RGPD2: variants seen among roughly 807,000 people sequenced by gnomAD.
RGPD2 encodes RANBP2 like and GRIP domain containing 2.
Under a neutral mutation model 36.0 loss-of-function variants are expected in RGPD2, and 2 were observed. The ratio of observed to expected loss-of-function variants is 0.06; its 90% CI spans 0.02 to 0.17. The LOEUF (loss-of-function observed/expected upper bound fraction) is 0.17, where lower values mean the gene tolerates loss of function less well. Ranked by LOEUF, RGPD2 falls within the 10% of genes least tolerant of loss-of-function variation. RGPD2 has a pLI of 1.00. For synonymous variants in RGPD2, 19 were observed against 163.8 expected, an observed-to-expected ratio of 0.12 and a Z score of 6.75; for missense variants, 40 against 464.3, an observed-to-expected ratio of 0.09 and a Z score of 8.40.
the RGPD2 span, among the ~76,000 whole-genome samples, chr2:87,866,960 C>A: frequency 3.9e-5 from 6 of 152,252 alleles, no homozygotes; most frequent in Non-Finnish European, 8.8e-5. Flanking sequence ...GGAAGAGGTT[C>A]TTCTCCACCT....
chr2:87,952,189 G>T, the RGPD2 span, among the ~76,000 whole-genome samples: 2 of 152,204 alleles, frequency 1.3e-5, no homozygotes, highest in African/African-American at 4.8e-5. Flanking sequence ...TATTGGAAAA[G>T]ATTTGATAAA....
the RGPD2 span, among the ~76,000 whole-genome samples, chr2:87,940,632 T>G: frequency 3.8e-5 from 5 of 130,934 alleles, no homozygotes; most frequent in South Asian, 2.4e-4. Context: ...AATTTTCTGT[T>G]TGTGTGTGTG....
intron 20 of RGPD2, among the ~76,000 whole-genome samples, chr2:87,781,587 A>C (rs1254911239): frequency 2.0e-5 from 3 of 150,310 alleles, no homozygotes; most frequent in African/African-American, 7.4e-5. Context: ...CAACCTCCTG[A>C]GTAGCTGCTA....
At chr2:87,875,466 T>C in the RGPD2 span, among the ~76,000 whole-genome samples, 1 of 152,284 alleles carries the variant, frequency 6.6e-6, no homozygotes, top group African/African-American at 2.4e-5. Context: ...AATAATCATG[T>C]GTTTTTTGTC....
the RGPD2 span, among the ~76,000 whole-genome samples, chr2:87,857,798 T>A: frequency 7.4e-6 from 1 of 134,474 alleles, no homozygotes; most frequent in African/African-American, 3.1e-5. Flanking sequence ...AAAAAAAAAA[T>A]TAGCATGTTT....
chr2:87,920,270 C>A, the RGPD2 span, among the ~76,000 whole-genome samples: 1 of 151,870 alleles, frequency 6.6e-6, no homozygotes, highest in Admixed American at 6.6e-5. Context: ...AGAAAACTCT[C>A]AAGTGGGGAA....
chr2:87,971,921 T>G, the RGPD2 span, among the ~76,000 whole-genome samples: 1 of 151,784 alleles, frequency 6.6e-6, no homozygotes, highest in East Asian at 2.0e-4. Context: ...TTGGTACACA[T>G]CAGCAGCAGT....
the RGPD2 span, among the ~76,000 whole-genome samples, chr2:87,840,475 T>C: frequency 1.3e-4 from 20 of 151,742 alleles, no homozygotes; most frequent in African/African-American, 4.3e-4. Flanking sequence ...AAGTAGTACA[T>C]AGAGGATGTT....
At chr2:87,894,559 C>T in the RGPD2 span, among the ~76,000 whole-genome samples, 1 of 152,044 alleles carries the variant, frequency 6.6e-6, no homozygotes, top group African/African-American at 2.4e-5. Context: ...GTTTATCTAT[C>T]ATTTATAAAT....
the RGPD2 span, among the ~76,000 whole-genome samples, chr2:87,878,612 T>C: frequency 6.6e-6 from 1 of 152,254 alleles, no homozygotes; most frequent in African/African-American, 2.4e-5. Context: ...TTTTAGGTAT[T>C]TTGAGATATA....
chr2:87,955,239 C>A, the RGPD2 span, among the ~76,000 whole-genome samples: 1 of 147,308 alleles, frequency 6.8e-6, no homozygotes, highest in African/African-American at 2.5e-5. Flanking sequence ...TGGTCTCGAT[C>A]TCCTGACCTC....
chr2:87,977,095 ATGT>A, the RGPD2 span, among the ~76,000 whole-genome samples: 7 of 99,254 alleles, frequency 7.1e-5, no homozygotes, highest in Non-Finnish European at 1.4e-4. Flanking sequence ...TCTACTACAG[ATGT>A]GTCCAAAGCA....
chr2:87,860,091 G>A, the RGPD2 span, among the ~76,000 whole-genome samples: 4 of 151,582 alleles, frequency 2.6e-5, no homozygotes, highest in Non-Finnish European at 4.4e-5. Context: ...GCTCCTGAGC[G>A]TATGTATTAC....
At chr2:87,824,797 C>CGAGGCCGAG in intron 1 of RGPD2, 4 of 116,970 alleles carry the variant, frequency 3.4e-5, no homozygotes, top group African/African-American at 6.6e-5. Context: ...AGGCCGAGGC[C>CGAGGCCGAG]GCCGCCGCCG....
chr2:87,944,928 A>T, the RGPD2 span, among the ~76,000 whole-genome samples: 2 of 148,836 alleles, frequency 1.3e-5, no homozygotes, highest in Non-Finnish European at 1.5e-5. Context: ...TGGTCCTGAG[A>T]CCAAAACATT....
chr2:87,882,692 A>C, the RGPD2 span, among the ~76,000 whole-genome samples: 1 of 152,224 alleles, frequency 6.6e-6, no homozygotes, highest in Non-Finnish European at 1.5e-5. Context: ...TAATATAAAC[A>C]TTTTAACAAT....
chr2:87,872,761 A>G, the RGPD2 span, among the ~76,000 whole-genome samples: 1 of 150,612 alleles, frequency 6.6e-6, no homozygotes, highest in Admixed American at 6.6e-5. Context: ...CCACTTACTA[A>G]TATTATTATT....
chr2:87,781,378 TCTTTGCTCATTTAATACATGAGCAAGA>T (rs1685390365), intron 20 of RGPD2: 1 of 129,800 alleles, frequency 7.7e-6, no homozygotes, highest in Non-Finnish European at 1.6e-5. Flanking sequence ...GTAGTTTCAT[TCTTTGCTCATTTAATACATGAGCAAGA>T]CTGACATACA....
chr2:87,942,708 T>C, the RGPD2 span, among the ~76,000 whole-genome samples: 1 of 136,966 alleles, frequency 7.3e-6, no homozygotes, highest in South Asian at 2.5e-4. Flanking sequence ...CTAGAAATTA[T>C]TCCTCCTATC....
Sources: allele counts gnomAD v4.1 joint callset (sites outside exome capture counted in the v4.1 genomes callset), GRCh38; gene constraint gnomAD v4.1.1; transcripts MANE v1.5; gene names NCBI Gene and HGNC (gene_info 2026-07-23, HGNC 2026-07-21).